The following PDZD2 variants were observed in gnomAD, a reference collection of about 807,000 sequenced individuals.
The protein encoded by PDZD2 is PDZ domain containing 2.
In PDZD2, 90 loss-of-function variants were observed where a neutral mutation model predicts 220.7. That is an observed-to-expected ratio of 0.41 (90% confidence interval 0.34 to 0.49). The LOEUF (loss-of-function observed/expected upper bound fraction) is 0.49. Ranked by LOEUF, PDZD2 falls within the 20% of genes least tolerant of loss-of-function variation. PDZD2 has a pLI of 0.28. For synonymous variants in PDZD2, 1,375 were observed against 1,450.5 expected, an observed-to-expected ratio of 0.95 and a Z score of 1.18; for missense variants, 3,174 against 3,608.5, an observed-to-expected ratio of 0.88 and a Z score of 3.08.
At chr5:31,803,246 C>T (rs1754508714) in intron 2 of PDZD2, among the ~76,000 whole-genome samples, 1 of 148,144 alleles carries the variant, frequency 6.8e-6, no homozygotes, top group African/African-American at 2.5e-5. Context: ...TGCAGGTGTG[C>T]ACCACTGCAT....
chr5:31,723,616 A>G (rs1748933113), intron 1 of PDZD2, among the ~76,000 whole-genome samples: 1 of 151,624 alleles, frequency 6.6e-6, no homozygotes, highest in South Asian at 2.1e-4. Context: ...TATTATTATT[A>G]TTATTTTTAT....
At chr5:31,887,785 C>T (rs1287234126) in intron 2 of PDZD2, among the ~76,000 whole-genome samples, 1 of 151,498 alleles carries the variant, frequency 6.6e-6, no homozygotes, top group Non-Finnish European at 1.5e-5. Context: ...TCAAAACTGT[C>T]CTACGCTTTG....
chr5:31,948,858 G>T (rs1746902772), intron 2 of PDZD2, among the ~76,000 whole-genome samples: 1 of 152,046 alleles, frequency 6.6e-6, no homozygotes, highest in Non-Finnish European at 1.5e-5. Context: ...CAGCACTTTG[G>T]GAGGCCAAGG....
intron 7 of PDZD2, among the ~76,000 whole-genome samples, chr5:32,038,182 TAAAAAA>T (rs547581515): frequency 1.8e-5 from 2 of 109,054 alleles, no homozygotes; most frequent in Admixed American, 1.0e-4. Context: ...TTTCCTCCAT[TAAAAAA>T]AAAAAAAAAA....
chr5:32,034,931 T>C (rs1755417760), intron 6 of PDZD2, among the ~76,000 whole-genome samples: 1 of 152,212 alleles, frequency 6.6e-6, no homozygotes, highest in Non-Finnish European at 1.5e-5. Flanking sequence ...CAAGATTCTG[T>C]TCCTGCTTTT....
chr5:32,053,550 TA>T (rs1462833624), intron 9 of PDZD2, among the ~76,000 whole-genome samples: 1 of 152,228 alleles, frequency 6.6e-6, no homozygotes, highest in Non-Finnish European at 1.5e-5. Flanking sequence ...AATGCATGGC[TA>T]GTGCAGCGTA....
At chr5:31,903,640 G>C (rs1395281434) in intron 2 of PDZD2, among the ~76,000 whole-genome samples, 1 of 65,974 alleles carries the variant, frequency 1.5e-5, no homozygotes, top group East Asian at 3.2e-4. Context: ...GTGAGACCCT[G>C]TCTCAAAAAA....
At chr5:31,976,714 CTTTTTTTTT>C (rs869280921) in intron 2 of PDZD2, among the ~76,000 whole-genome samples, 1 of 99,720 alleles carries the variant, frequency 1.0e-5, no homozygotes. Context: ...TTTCTTCTTT[CTTTTTTTTT>C]TTTTTTTTTT....
intron 2 of PDZD2, among the ~76,000 whole-genome samples, chr5:31,930,679 G>T (rs1745201096): frequency 6.6e-6 from 1 of 152,128 alleles, no homozygotes; most frequent in African/African-American, 2.4e-5. Flanking sequence ...ATACTTTAGG[G>T]GTAGACAACT....
chr5:32,095,587 T>C (rs1743591913), intron 21 of PDZD2, among the ~76,000 whole-genome samples: 1 of 152,124 alleles, frequency 6.6e-6, no homozygotes, highest in Non-Finnish European at 1.5e-5. Context: ...GTGCTGAGGC[T>C]CTCAGAGGCA....
chr5:31,745,265 A>T (rs1750526860), intron 1 of PDZD2, among the ~76,000 whole-genome samples: 1 of 152,322 alleles, frequency 6.6e-6, no homozygotes, highest in South Asian at 2.1e-4. Context: ...CCAAAGGGGT[A>T]TAAAGACCAA....
intron 1 of PDZD2, among the ~76,000 whole-genome samples, chr5:31,667,855 C>CTTTTTTTTTTTTTTTT (rs561833214): frequency 6.4e-5 from 5 of 77,968 alleles, no homozygotes; most frequent in South Asian, 5.8e-4. Flanking sequence ...TTTTTTTTTC[C>CTTTTTTTTTTTTTTTT]TTTTTTTTTT....
At chr5:31,672,023 A>T (rs1746235094) in intron 1 of PDZD2, among the ~76,000 whole-genome samples, 1 of 152,126 alleles carries the variant, frequency 6.6e-6, no homozygotes, top group Non-Finnish European at 1.5e-5. Flanking sequence ...GGAGCTGCCC[A>T]TGGACAGTAG....
intron 1 of PDZD2, among the ~76,000 whole-genome samples, chr5:31,692,360 T>G (rs989043993): frequency 6.6e-6 from 1 of 152,180 alleles, no homozygotes; most frequent in Non-Finnish European, 1.5e-5. Context: ...CAAACCTCCC[T>G]GAAAGCTGAG....
At chr5:31,822,687 G>T in intron 2 of PDZD2, 4 of 1,310,696 alleles carry the variant, frequency 3.1e-6, no homozygotes, top group Non-Finnish European at 4.2e-6. Context: ...CAAGCTCAAT[G>T]TCATTTCCTT....
intron 2 of PDZD2, among the ~76,000 whole-genome samples, chr5:31,809,481 G>C (rs906720721): frequency 6.6e-6 from 1 of 152,056 alleles, no homozygotes; most frequent in Admixed American, 6.6e-5. Flanking sequence ...ACACAGCCTC[G>C]GCCCTCAGGA....
In PDZD2 at chr5:32,092,999, T is replaced by C. The variant is rs1242164112; in HGVS notation, c.7820T>C (p.Ile2607Thr). Residue 2607 changes from isoleucine (I) to threonine (T), a missense_variant, in exon 21 of 25, where the codon ATT becomes ACT. By Grantham distance (89) the Ile-to-Thr change is moderately conservative. Coordinates refer to ENST00000438447, the MANE Select transcript of PDZD2 (RefSeq NM_178140.4). ...TCGAAATCTACCATCCTAACTCTCA[T>C]TCAGGAAGCGAAAGCACAATCAGAG... ...VGSKSTILTL[I>T]QEAKAQSENE... The C allele has an allele frequency of 6.3e-7, 1 of 1,586,700 alleles. No individual in the cohort carries two copies.
intron 2 of PDZD2, among the ~76,000 whole-genome samples, chr5:31,814,511 A>G (rs1258984384): frequency 6.6e-6 from 1 of 152,272 alleles, no homozygotes; most frequent in Middle Eastern, 3.4e-3. Flanking sequence ...CAATTGGTTG[A>G]AAGAGTTATT....
intron 1 of PDZD2, among the ~76,000 whole-genome samples, chr5:31,757,813 C>G (rs1318078519): frequency 1.3e-5 from 2 of 152,176 alleles, no homozygotes; most frequent in African/African-American, 4.8e-5. Flanking sequence ...TCATTTGCCA[C>G]CTGTGAGGTC....
Sources: allele counts gnomAD v4.1 joint callset (sites outside exome capture counted in the v4.1 genomes callset), GRCh38; gene constraint gnomAD v4.1.1; transcripts MANE v1.5; gene names NCBI Gene and HGNC (gene_info 2026-07-23, HGNC 2026-07-21).